The following AKAP6 variants were observed in gnomAD, a reference collection of about 807,000 sequenced individuals.
The protein encoded by AKAP6 is A-kinase anchor protein 6.
Under a neutral mutation model 188.5 loss-of-function variants are expected in AKAP6, and 58 were observed. That is an observed-to-expected ratio of 0.31 (90% CI 0.25 to 0.38). AKAP6 has a LOEUF of 0.38. Among genes scored for constraint, AKAP6 ranks in the 10% least tolerant of loss-of-function variants. The pLI is 1.00. For synonymous variants in AKAP6, 989 were observed against 998.6 expected (o/e 0.99, Z 0.18); for missense variants, 2,710 against 2,740.0 (o/e 0.99, Z 0.24).
intron 1 of AKAP6, among the ~76,000 whole-genome samples, chr14:32,414,111 G>A (rs182998883): frequency 1.6e-4 from 24 of 152,132 alleles, no homozygotes; most frequent in African/African-American, 5.3e-4. Context: ...GCTTGAGGTC[G>A]AGTAAGCCTG....
chr14:32,815,523 T>C (rs2034355652), intron 12 of AKAP6, among the ~76,000 whole-genome samples: 1 of 152,218 alleles, frequency 6.6e-6, no homozygotes, highest in African/African-American at 2.4e-5. Flanking sequence ...TCTCATTTGG[T>C]TATCTTTGTG....
intron 7 of AKAP6, among the ~76,000 whole-genome samples, chr14:32,665,644 T>C (rs1454315377): frequency 6.6e-6 from 1 of 151,132 alleles, no homozygotes; most frequent in East Asian, 2.0e-4. Context: ...CATGGGAGAG[T>C]CTTAAGACTC....
chr14:32,403,930 A>T (rs1197399363), intron 1 of AKAP6, among the ~76,000 whole-genome samples: 1 of 152,096 alleles, frequency 6.6e-6, no homozygotes, highest in African/African-American at 2.4e-5. Context: ...TGCAGAAATT[A>T]TGTGGTTTTA....
intron 9 of AKAP6, among the ~76,000 whole-genome samples, chr14:32,725,887 T>C (rs1338097438): frequency 6.6e-6 from 1 of 152,208 alleles, no homozygotes; most frequent in Non-Finnish European, 1.5e-5. Flanking sequence ...TCCTGTTTAA[T>C]TGATGAAGTT....
intron 1 of AKAP6, among the ~76,000 whole-genome samples, chr14:32,369,122 A>T (rs1028802955): frequency 6.6e-6 from 1 of 152,202 alleles, no homozygotes; most frequent in African/African-American, 2.4e-5. Flanking sequence ...TAAAAACCAG[A>T]GGGAAGCAAG....
Position 32,773,782 on chromosome 14 carries a change from C to G in AKAP6, c.3477C>G (p.Asp1159Glu), listed in dbSNP as rs1445813538. The G allele has an allele frequency of 2.5e-6, 4 of 1,614,126 alleles. No individual in the cohort carries two copies. Among genetic ancestry groups the G allele is most frequent in the Non-Finnish European group, 3.4e-6 (4 of 1,179,994 alleles). The change falls in exon 12 of 14, where the codon GAC (aspartate) becomes GAG (glutamate). Residue 1159 changes from aspartate to glutamate, a missense_variant. By Grantham distance (45) the Asp-to-Glu change is conservative. Transcript: ENST00000280979. ...DDRETCNLNA[D>E]HQPMQLIIVN... ...GGGAGACTTGCAATCTGAATGCAGA[C>G]CACCAGCCCATGCAGCTGATCATTG...
At chr14:32,625,650 T>TAA (rs3842332) in intron 7 of AKAP6, among the ~76,000 whole-genome samples, 5 of 146,954 alleles carry the variant, frequency 3.4e-5, no homozygotes, top group Non-Finnish European at 7.6e-5. Flanking sequence ...TTTATACAAA[T>TAA]AAAAAAAAAA....
chr14:32,801,621 A>G (rs1486005290), intron 12 of AKAP6, among the ~76,000 whole-genome samples: 1 of 152,152 alleles, frequency 6.6e-6, no homozygotes, highest in Non-Finnish European at 1.5e-5. Context: ...ATGTCAATCC[A>G]GGTTTCTTAC....
Position 32,732,597 on chromosome 14 carries a change from T to C in AKAP6, c.3144T>C (p.Leu1048=). 6.2e-7 allele frequency: 1 copy of C among 1,613,402 alleles called. No homozygotes were observed. The change falls in exon 10 of 14, where the codon CTT becomes CTC. Residue 1048 remains leucine (L), a synonymous_variant. Coordinates refer to ENST00000280979, the MANE Select transcript of AKAP6 (RefSeq NM_004274.5). ...VDSINEKWEL[L]GKTLGEKIQD... is the part of the protein sequence containing the mutation. The stretch of plus-strand genomic sequence containing the variant: ...CAATTAATGAAAAATGGGAACTGCT[T>C]GGGGTATTTGCATTTTTATTACTGT...
intron 1 of AKAP6, among the ~76,000 whole-genome samples, chr14:32,399,795 T>A (rs978439993): frequency 6.6e-6 from 1 of 152,160 alleles, no homozygotes; most frequent in Non-Finnish European, 1.5e-5. Context: ...TTAATTCCCT[T>A]TTAGACTTAT....
chr14:32,695,949 C>T, intron 8 of AKAP6, 41 bp from the exon 9 acceptor site: 1 of 1,583,934 alleles, frequency 6.3e-7, no homozygotes, highest in African/African-American at 1.4e-5. Context: ...TTAACAACTA[C>T]ACTGTATTTA....
chr14:32,779,444 A>G (rs907307138), intron 12 of AKAP6, among the ~76,000 whole-genome samples: 3 of 149,824 alleles, frequency 2.0e-5, no homozygotes, highest in African/African-American at 7.3e-5. Flanking sequence ...AAGGAAACCC[A>G]CTTTAAACAT....
intron 8 of AKAP6, among the ~76,000 whole-genome samples, chr14:32,678,954 G>A (rs1204183384): frequency 1.3e-5 from 2 of 152,152 alleles, no homozygotes; most frequent in African/African-American, 2.4e-5. Context: ...GAATAGACTA[G>A]CTCTTGCATT....
intron 1 of AKAP6, among the ~76,000 whole-genome samples, chr14:32,333,717 T>A (rs1886602898): frequency 6.6e-6 from 1 of 152,162 alleles, no homozygotes; most frequent in African/African-American, 2.4e-5. Context: ...AATTAGTATT[T>A]TTTTGGTATA....
chr14:32,687,404 C>A (rs1889972817), intron 8 of AKAP6, among the ~76,000 whole-genome samples: 4 of 26,454 alleles, frequency 1.5e-4, no homozygotes, highest in African/African-American at 1.3e-3. Context: ...CTAACTATCT[C>A]TCTCTCTCTC....
Position 32,600,616 on chromosome 14 carries a change from C to T in AKAP6, c.2567-13C>T, listed in dbSNP as rs1208539296. On this transcript the variant is annotated splice_polypyrimidine_tract_variant and intron_variant, in intron 6 of 13. Transcript: ENST00000280979. Reference sequence around the variant, plus strand: ...AGGCCCACAACTTCTGCTTTCCCCTCCTTTTGGAGAAGGACTGAAGGACAT... The same window carrying T: ...AGGCCCACAACTTCTGCTTTCCCCTTCTTTTGGAGAAGGACTGAAGGACAT... The T allele has an allele frequency of 6.3e-7, 1 of 1,595,698 alleles. No homozygotes were observed. The highest frequency in any genetic ancestry group is 8.5e-7 in the Non-Finnish European group (1 of 1,170,016).
chr14:32,780,157 C>CATATATATAT lies in AKAP6; in HGVS notation c.3588+6269_3588+6278dup, dbSNP rs59506546. 1.1e-4 allele frequency among the ~76,000 whole-genome samples: 13 copies of CATATATATAT among 119,396 alleles called. 1 individual carries two copies. The highest frequency in any genetic ancestry group is 2.4e-4 in the East Asian group (1 of 4,182). The allele number at this position is 119,396 out of a possible 152,430, so 78.3% of individuals were successfully genotyped here. On this transcript the variant is annotated intron_variant, in intron 12 of 13. Coordinates refer to ENST00000280979, the MANE Select transcript of AKAP6 (RefSeq NM_004274.5). ...TGGAAAAAGAAATTGAAAAAAAAAA[C>CATATATATAT]ATATATATATATATGCATGCTTATA... is the stretch of plus-strand genomic sequence containing the variant.
intron 11 of AKAP6, among the ~76,000 whole-genome samples, chr14:32,764,105 T>G (rs1157986241): frequency 6.6e-6 from 1 of 152,162 alleles, no homozygotes; most frequent in Non-Finnish European, 1.5e-5. Flanking sequence ...ACCTTTTTAA[T>G]CTCTTCTTTA....
intron 2 of AKAP6, among the ~76,000 whole-genome samples, chr14:32,492,355 T>TATAGAGAGAGAGAGAGAGAGAGAG: frequency 8.5e-5 from 7 of 82,584 alleles, no homozygotes; most frequent in East Asian, 6.5e-4. Flanking sequence ...TATATATATA[T>TATAGAGAGAGAGAGAGAGAGAGAG]AGAGAGAGAG....
Sources: gnomAD v4.1 joint callset for allele counts (sites outside exome capture counted in the v4.1 genomes callset) on GRCh38, gnomAD v4.1.1 for gene constraint, MANE v1.5 for transcripts, NCBI Gene and HGNC (gene_info 2026-07-23, HGNC 2026-07-21) for gene names.